Variants in RPGRIP1 observed in about 807,000 individuals in gnomAD.
RPGRIP1 encodes RPGR interacting protein 1.
Under a neutral mutation model 157.9 loss-of-function variants are expected in RPGRIP1, and 128 were observed. That is an observed-to-expected ratio of 0.81 (90% CI 0.70 to 0.94). RPGRIP1 has a LOEUF of 0.94. Among genes scored for constraint, RPGRIP1 ranks in the 40% least tolerant of loss-of-function variants. RPGRIP1 has a pLI of 0.00. For missense variants in RPGRIP1, 1,486 were observed against 1,545.8 expected (o/e 0.96, Z 0.65); for synonymous variants, 554 against 571.6 (o/e 0.97, Z 0.44).
intron 1 of RPGRIP1, among the ~76,000 whole-genome samples, chr14:21,283,707 G>C (rs1021492145): frequency 5.9e-5 from 9 of 151,684 alleles, no homozygotes; most frequent in African/African-American, 2.2e-4. Flanking sequence ...GGCTGGAGTG[G>C]AGTGCAGTGG....
chr14:21,295,271 A>G (rs936530221), intron 3 of RPGRIP1, among the ~76,000 whole-genome samples: 1 of 152,014 alleles, frequency 6.6e-6, no homozygotes, highest in African/African-American at 2.4e-5. Flanking sequence ...ACAGAATAAG[A>G]GACTGGACAG....
intron 18 of RPGRIP1, 70 bp downstream of exon 18, chr14:21,327,877 A>G (rs1883278100): frequency 3.2e-6 from 4 of 1,266,448 alleles, no homozygotes; most frequent in South Asian, 1.6e-5. Context: ...AGGAGACAGT[A>G]TTATAGTTGA....
chr14:21,337,455 T>TTTTTTTA (rs1884483790), intron 21 of RPGRIP1, among the ~76,000 whole-genome samples: 1 of 150,688 alleles, frequency 6.6e-6, no homozygotes, highest in Non-Finnish European at 1.5e-5. Flanking sequence ...TTTTTTTTTT[T>TTTTTTTA]GAGATAGAGT....
At chr14:21,282,148 A>T (rs1417813521) in intron 1 of RPGRIP1, among the ~76,000 whole-genome samples, 1 of 152,196 alleles carries the variant, frequency 6.6e-6, no homozygotes, top group African/African-American at 2.4e-5. Context: ...CTGGCTTTAT[A>T]CGTCTATCCA....
At chr14:21,311,317 G>A (rs529244016) in intron 8 of RPGRIP1, among the ~76,000 whole-genome samples, 9 of 152,202 alleles carry the variant, frequency 5.9e-5, no homozygotes, top group Non-Finnish European at 1.3e-4. Flanking sequence ...TTGGGGAGGC[G>A]GAGGCGGGTG....
At position 21,324,956 on chromosome 14, in the gene RPGRIP1, C is replaced by T. The variant is rs1456098073; in HGVS notation, c.2101C>T (p.Leu701Phe). ...LHYLQEASAR[L>F]DIHQAMASEH... is the part of the protein sequence containing the mutation. ...CTACCTTCAAGAGGCTTCAGCCCGG[C>T]TTGACATACACCAGGCCATGGCCAG... Residue 701 changes from leucine to phenylalanine, a missense_variant, in exon 15 of 25, where the codon CTT becomes TTT. Physicochemically the swap from Leu to Phe is conservative, Grantham distance 22 (BLOSUM62 0). Coordinates refer to ENST00000400017, the MANE Select transcript of RPGRIP1 (RefSeq NM_020366.4). 6 of 1,613,932 alleles carry T rather than the reference C, an allele frequency of 3.7e-6. No individual in the cohort carries two copies. The highest frequency in any genetic ancestry group is 5.1e-6 in the Non-Finnish European group (6 of 1,179,898).
chr14:21,294,412 T>C lies in RPGRIP1; in HGVS notation c.86-265T>C, dbSNP rs145863059. ...CGCCCAGCTAATTTTGTATTTTTAG[T>C]AGAGACCGGGTTTCACCATGTTGGT... On this transcript the variant is annotated intron_variant, in intron 2 of 24. Coordinates refer to ENST00000400017, the MANE Select transcript of RPGRIP1 (RefSeq NM_020366.4). 0.021 allele frequency among the ~76,000 whole-genome samples: 3,187 copies of C among 151,998 alleles called. 122 individuals carry two copies. The highest frequency in any genetic ancestry group is 0.07 in the African/African-American group (2,892 of 41,446).
chr14:21,300,732 T>TTA (rs1179058120), intron 3 of RPGRIP1, among the ~76,000 whole-genome samples: 11 of 144,624 alleles, frequency 7.6e-5, no homozygotes, highest in Admixed American at 6.7e-4. Context: ...TTTTTTTTTT[T>TTA]ACTAAGATAA....
intron 23 of RPGRIP1, among the ~76,000 whole-genome samples, chr14:21,345,659 C>A (rs1049341373): frequency 2.0e-5 from 3 of 152,166 alleles, no homozygotes; most frequent in African/African-American, 7.2e-5. Flanking sequence ...CCCTCCTCGG[C>A]CTCCCAGAGT....
chr14:21,339,960 A>G (rs1270810384), intron 21 of RPGRIP1, among the ~76,000 whole-genome samples: 10 of 152,208 alleles, frequency 6.6e-5, no homozygotes, highest in Non-Finnish European at 1.5e-4. Flanking sequence ...AAGGAAATAA[A>G]TAGGGCGATA....
chr14:21,316,961 A>T (rs1449537072), intron 10 of RPGRIP1, among the ~76,000 whole-genome samples: 1 of 151,866 alleles, frequency 6.6e-6, no homozygotes, highest in African/African-American at 2.4e-5. Context: ...CTCTATTAAA[A>T]ATACAAAAAT....
intron 21 of RPGRIP1, among the ~76,000 whole-genome samples, chr14:21,338,827 T>A (rs1219515040): frequency 6.6e-6 from 1 of 152,228 alleles, no homozygotes; most frequent in African/African-American, 2.4e-5. Flanking sequence ...CTGATTATTG[T>A]CCCAGGATTA....
At chr14:21,320,547 T>A (rs1882318471) in intron 12 of RPGRIP1, among the ~76,000 whole-genome samples, 1 of 147,956 alleles carries the variant, frequency 6.8e-6, no homozygotes, top group East Asian at 2.0e-4. Flanking sequence ...CACCTCGGCC[T>A]CCCAAAGTGC....
chr14:21,290,459 A>G (rs1323636612), intron 2 of RPGRIP1, among the ~76,000 whole-genome samples: 1 of 152,156 alleles, frequency 6.6e-6, no homozygotes, highest in Non-Finnish European at 1.5e-5. Context: ...GGATCACCTG[A>G]GGTCAGGAGT....
intron 21 of RPGRIP1, 89 bp downstream of exon 21, chr14:21,334,794 G>A (rs1884162435): frequency 2.3e-6 from 2 of 865,200 alleles, no homozygotes; most frequent in Admixed American, 2.5e-5. Context: ...TGTAATCCCA[G>A]CACCTTGGGA....
intron 22 of RPGRIP1, among the ~76,000 whole-genome samples, chr14:21,343,662 T>C (rs1183671929): frequency 6.6e-6 from 1 of 151,898 alleles, no homozygotes. Context: ...GGCTAGTTTT[T>C]TGTGTTTTTA....
intron 18 of RPGRIP1, among the ~76,000 whole-genome samples, 195 bp downstream of exon 18, chr14:21,328,002 C>G (rs1883292473): frequency 6.6e-6 from 1 of 152,228 alleles, no homozygotes; most frequent in African/African-American, 2.4e-5. Flanking sequence ...AACCCTGCCT[C>G]TACTAAAAAT....
intron 2 of RPGRIP1, among the ~76,000 whole-genome samples, chr14:21,292,848 T>C (rs1880591490): frequency 7.0e-6 from 1 of 143,392 alleles, no homozygotes; most frequent in Non-Finnish European, 1.5e-5. Context: ...AGACTCTGTG[T>C]CAAAAAAATA....
At chr14:21,281,767 T>G (rs969767575) in intron 1 of RPGRIP1, among the ~76,000 whole-genome samples, 9 of 149,696 alleles carry the variant, frequency 6.0e-5, no homozygotes, top group Admixed American at 1.3e-4. Context: ...TACAAAATTT[T>G]AAATGCTTGC....
Sources: allele counts gnomAD v4.1 joint callset (sites outside exome capture counted in the v4.1 genomes callset), GRCh38; gene constraint gnomAD v4.1.1; transcripts MANE v1.5; gene names NCBI Gene and HGNC (gene_info 2026-07-23, HGNC 2026-07-21).